DMRT1: variants seen among roughly 807,000 people sequenced by gnomAD.
DMRT1 encodes the protein doublesex- and mab-3-related transcription factor 1.
A neutral mutation model predicts 32.3 loss-of-function variants in DMRT1; 7 were observed. The ratio of observed to expected loss-of-function variants is 0.22; its 90% CI spans 0.12 to 0.41. The LOEUF (loss-of-function observed/expected upper bound fraction) is 0.41. Ranked by LOEUF, DMRT1 falls within the 10% of genes least tolerant of loss-of-function variation. The pLI is 1.00. For synonymous variants in DMRT1, 278 were observed against 206.1 expected (o/e 1.35, Z -2.99); for missense variants, 625 against 500.5 (o/e 1.25, Z -2.37).
intron 4 of DMRT1, among the ~76,000 whole-genome samples, chr9:963,293 C>G (rs1288344110): frequency 3.3e-5 from 5 of 152,150 alleles, no homozygotes; most frequent in African/African-American, 1.2e-4. Context: ...AACCGATACT[C>G]GATTTTAAAG....
At position 888,725 on chromosome 9, in the gene DMRT1, C is replaced by T. The variant is rs896968729; in HGVS notation, c.539-5187C>T. ...TTGTTAATAGTCAGGACTGTCACAG[C>T]GATGCAGTCAGGGGCATGAAGGTAT... is the stretch of plus-strand genomic sequence containing the variant. On this transcript the variant is annotated intron_variant, in intron 2 of 4. Transcript: ENST00000382276. 1.0e-4 allele frequency among the ~76,000 whole-genome samples: 15 copies of T among 143,482 alleles called. No individual in the cohort carries two copies. The South Asian group carries it at 2.6e-3, about 25-fold the overall frequency. The allele number at this position is 143,482 out of a possible 152,430, so 94.1% of individuals were successfully genotyped here.
intron 3 of DMRT1, among the ~76,000 whole-genome samples, chr9:905,473 C>CGTGTGTGTGTGTGTGTGT (rs745430195): frequency 7.0e-6 from 1 of 143,494 alleles, no homozygotes; most frequent in Non-Finnish European, 1.5e-5. Flanking sequence ...CTCCCTTGCC[C>CGTGTGTGTGTGTGTGTGT]CTGTGTGTGT....
intron 4 of DMRT1, among the ~76,000 whole-genome samples, chr9:920,293 A>G (rs1486574376): frequency 6.6e-6 from 1 of 152,156 alleles, no homozygotes; most frequent in Non-Finnish European, 1.5e-5. Context: ...TCCAGTGTTT[A>G]TGGCCCTGTA....
chr9:845,728 C>T (rs1262307885), intron 1 of DMRT1, among the ~76,000 whole-genome samples: 1 of 152,056 alleles, frequency 6.6e-6, no homozygotes, highest in South Asian at 2.1e-4. Flanking sequence ...CGCATGCTCC[C>T]TCCACCCCAG....
intron 2 of DMRT1, among the ~76,000 whole-genome samples, chr9:886,210 T>G (rs1423639003): frequency 6.6e-6 from 1 of 152,196 alleles, no homozygotes; most frequent in Admixed American, 6.6e-5. Context: ...TTGATAAACA[T>G]TGGTGCATTC....
chr9:954,891 C>T (rs541660548), intron 4 of DMRT1, among the ~76,000 whole-genome samples: 3 of 152,224 alleles, frequency 2.0e-5, no homozygotes, highest in East Asian at 1.9e-4. Context: ...CTGCCTGCCT[C>T]GGCCTCCCAA....
At chr9:955,315 G>T (rs1197750643) in intron 4 of DMRT1, among the ~76,000 whole-genome samples, 1 of 152,170 alleles carries the variant, frequency 6.6e-6, no homozygotes, top group African/African-American at 2.4e-5. Flanking sequence ...TAGCCAGTTT[G>T]CCAGCATTAC....
chr9:897,576 A>T (rs1273658635), intron 3 of DMRT1, among the ~76,000 whole-genome samples: 1 of 151,288 alleles, frequency 6.6e-6, no homozygotes, highest in Non-Finnish European at 1.5e-5. Context: ...TGGGTAACAG[A>T]GCAAGACACT....
intron 3 of DMRT1, among the ~76,000 whole-genome samples, chr9:898,828 C>G (rs1817467913): frequency 6.6e-6 from 1 of 152,174 alleles, no homozygotes; most frequent in Non-Finnish European, 1.5e-5. Flanking sequence ...AGGATGTAAA[C>G]TCTCTTTTTC....
At chr9:895,563 A>G (rs1817323409) in intron 3 of DMRT1, among the ~76,000 whole-genome samples, 1 of 152,150 alleles carries the variant, frequency 6.6e-6, no homozygotes, top group African/African-American at 2.4e-5. Flanking sequence ...AAAAAGTTGT[A>G]TATATTTAAG....
intron 4 of DMRT1, among the ~76,000 whole-genome samples, chr9:918,914 A>G (rs1818268537): frequency 1.3e-5 from 2 of 152,118 alleles, no homozygotes; most frequent in Non-Finnish European, 2.9e-5. Context: ...GCGTGTTTGG[A>G]GGTCAGTAAG....
chr9:842,229 A>ATTTTTTTTTTTTTTTTTTT, intron 1 of DMRT1, 37 bp downstream of exon 1: 1 of 856,432 alleles, frequency 1.2e-6, no homozygotes, highest in African/African-American at 3.2e-5. Flanking sequence ...GTTCAGCCTT[A>ATTTTTTTTTTTTTTTTTTT]GTTTTTTTTT....
At chr9:880,493 G>C (rs1487197731) in intron 2 of DMRT1, among the ~76,000 whole-genome samples, 2 of 151,892 alleles carry the variant, frequency 1.3e-5, no homozygotes, top group East Asian at 1.9e-4. Context: ...TTGGGAGGCT[G>C]AGGTGGGCGG....
intron 2 of DMRT1, among the ~76,000 whole-genome samples, chr9:878,541 C>G (rs954342389): frequency 5.3e-5 from 8 of 152,158 alleles, no homozygotes; most frequent in Non-Finnish European, 2.9e-5. Context: ...ACCAAACGCA[C>G]TCAAGGCTAC....
At chr9:962,017 T>A (rs1269648519) in intron 4 of DMRT1, among the ~76,000 whole-genome samples, 1 of 152,206 alleles carries the variant, frequency 6.6e-6, no homozygotes, top group Non-Finnish European at 1.5e-5. Context: ...AGCAAAGAGT[T>A]AGCCAGTCTG....
rs112885084 is a variant in DMRT1 at position 954,260 on chromosome 9, C to T, written c.968-13725C>T. ...GTTTATTTAGGAAAGATGTCAGAGA[C>T]GTGCTTTTGGAAGCGTAACAGCCAC... On this transcript the variant is annotated intron_variant, in intron 4 of 4. Transcript: ENST00000382276. Among the ~76,000 whole-genome samples, 1,147 of 152,184 alleles carry T rather than the reference C, an allele frequency of 7.5e-3. 16 individuals carry two copies. The highest frequency in any genetic ancestry group is 0.026 in the African/African-American group (1,081 of 41,512).
chr9:897,593 A>AG (rs1817420913), intron 3 of DMRT1, among the ~76,000 whole-genome samples: 1 of 125,712 alleles, frequency 8.0e-6, no homozygotes, highest in African/African-American at 3.5e-5. Context: ...CACTGTCTCC[A>AG]AAAAAAAAAA....
chr9:864,568 G>T (rs1007529067), intron 2 of DMRT1, among the ~76,000 whole-genome samples: 1 of 141,868 alleles, frequency 7.0e-6, no homozygotes, highest in South Asian at 2.2e-4. Context: ...GTGCGATCTC[G>T]GCTCACTGCA....
chr9:966,011 G>A (rs1178664488), intron 4 of DMRT1, among the ~76,000 whole-genome samples: 2 of 152,160 alleles, frequency 1.3e-5, no homozygotes, highest in Non-Finnish European at 2.9e-5. Flanking sequence ...TTCTGTCACT[G>A]GTTGGGGGTG....
Sources: gnomAD v4.1 joint callset for allele counts (sites outside exome capture counted in the v4.1 genomes callset) on GRCh38, gnomAD v4.1.1 for gene constraint, MANE v1.5 for transcripts, NCBI Gene and HGNC (gene_info 2026-07-23, HGNC 2026-07-21) for gene names.